The following NAALADL2 variants were observed in gnomAD, a reference collection of about 807,000 sequenced individuals.
NAALADL2 encodes the protein inactive N-acetylated-alpha-linked acidic dipeptidase-like protein 2.
NAALADL2 carries 76 observed loss-of-function variants against 87.2 expected under a neutral mutation model. The observed-to-expected ratio is 0.87, with a 90% CI of 0.72 to 1.05. The LOEUF is 1.05. NAALADL2 is among the 50% of genes least tolerant of loss of function. NAALADL2 has a pLI of 0.00. For synonymous variants in NAALADL2, 354 were observed against 331.0 expected (o/e 1.07, Z -0.75); for missense variants, 1,089 against 945.8 (o/e 1.15, Z -1.99).
intron 2 of NAALADL2, among the ~76,000 whole-genome samples, chr3:175,224,447 G>A (rs1284678412): frequency 6.6e-6 from 1 of 152,162 alleles, no homozygotes; most frequent in Non-Finnish European, 1.5e-5. Flanking sequence ...GGGTTAGAAT[G>A]TGTTAATATG....
At chr3:174,977,699 G>A (rs973677885) in intron 1 of NAALADL2, among the ~76,000 whole-genome samples, 2 of 152,084 alleles carry the variant, frequency 1.3e-5, no homozygotes, top group African/African-American at 4.8e-5. Context: ...ATCTAAGGAA[G>A]GTAGTTGAAA....
At chr3:175,132,649 G>A (rs1560070333) in intron 2 of NAALADL2, among the ~76,000 whole-genome samples, 4 of 126,748 alleles carry the variant, frequency 3.2e-5, no homozygotes, top group Non-Finnish European at 4.9e-5. Flanking sequence ...GTGGCTGGCC[G>A]GGCGGGGGGC....
At chr3:175,780,211 G>A (rs1245154040) in intron 13 of NAALADL2, among the ~76,000 whole-genome samples, 1 of 151,576 alleles carries the variant, frequency 6.6e-6, no homozygotes, top group Non-Finnish European at 1.5e-5. Flanking sequence ...AGGAGGCGGA[G>A]CTTGCAGTGA....
intron 2 of NAALADL2, among the ~76,000 whole-genome samples, chr3:174,675,855 C>T (rs1232035290): frequency 6.6e-6 from 1 of 151,996 alleles, no homozygotes; most frequent in African/African-American, 2.4e-5. Context: ...ATATTTAGCA[C>T]AGTAAATTCC....
chr3:174,863,805 C>T (rs1266033523), intron 1 of NAALADL2: 1 of 277,610 alleles, frequency 3.6e-6, no homozygotes, highest in African/African-American at 2.3e-5. Flanking sequence ...GTGACTCTTC[C>T]TTCCCAGCCT....
At chr3:174,653,761 T>C (rs1215651161) in intron 2 of NAALADL2, among the ~76,000 whole-genome samples, 1 of 152,182 alleles carries the variant, frequency 6.6e-6, no homozygotes, top group Non-Finnish European at 1.5e-5. Flanking sequence ...GAAGGCCTTA[T>C]AATGTCATTA....
At chr3:175,271,352 A>C (rs73184710) in intron 4 of NAALADL2, among the ~76,000 whole-genome samples, 1 of 152,346 alleles carries the variant, frequency 6.6e-6, no homozygotes, top group Non-Finnish European at 1.5e-5. Context: ...GATTAGGAAA[A>C]CGTGAATTAT....
rs796125736 is a variant in NAALADL2 at position 175,615,936 on chromosome 3, T to A, written c.1801-11355T>A. 2.7e-5 allele frequency among the ~76,000 whole-genome samples: 4 copies of A among 147,058 alleles called. 1 individual carries two copies. In the South Asian group the frequency reaches 8.3e-4, roughly 31 times the overall value. ...ATATTTATATTATTACATATGATTA[T>A]GTATGTTATATAGTATATATTATAT... On this transcript the variant is annotated intron_variant, in intron 10 of 13. Coordinates refer to ENST00000454872, the MANE Select transcript of NAALADL2 (RefSeq NM_207015.3).
intron 10 of NAALADL2, among the ~76,000 whole-genome samples, chr3:175,593,314 A>G (rs1721793322): frequency 6.6e-6 from 1 of 152,174 alleles, no homozygotes; most frequent in Non-Finnish European, 1.5e-5. Context: ...CTAAGCAGGT[A>G]ATGCCTTGAA....
intron 1 of NAALADL2, among the ~76,000 whole-genome samples, chr3:175,024,789 T>C (rs1255041392): frequency 1.3e-5 from 2 of 151,964 alleles, no homozygotes; most frequent in African/African-American, 4.8e-5. Flanking sequence ...TAGCAGAGGG[T>C]AGCAGCTCTC....
chr3:174,443,872 C>G (rs1714850374), intron 1 of NAALADL2, among the ~76,000 whole-genome samples: 1 of 147,796 alleles, frequency 6.8e-6, no homozygotes, highest in South Asian at 2.1e-4. Flanking sequence ...GAGAATTAAT[C>G]TAGCAAAGGA....
intron 9 of NAALADL2, among the ~76,000 whole-genome samples, chr3:175,543,468 G>A (rs1712745041): frequency 6.6e-6 from 1 of 152,082 alleles, no homozygotes; most frequent in Admixed American, 6.6e-5. Context: ...ACCCAAGACT[G>A]GATAATTTAT....
At chr3:175,354,200 C>T (rs964043916) in intron 5 of NAALADL2, among the ~76,000 whole-genome samples, 5 of 152,122 alleles carry the variant, frequency 3.3e-5, no homozygotes, top group Non-Finnish European at 7.4e-5. Flanking sequence ...TTATCGATGA[C>T]ACCTTGATCA....
intron 9 of NAALADL2, among the ~76,000 whole-genome samples, chr3:175,568,916 G>A (rs1411667914): frequency 6.6e-6 from 1 of 152,158 alleles, no homozygotes; most frequent in Non-Finnish European, 1.5e-5. Flanking sequence ...GGCAATAACT[G>A]AAATATGATA....
At chr3:175,574,818 G>T (rs947408054) in intron 9 of NAALADL2, among the ~76,000 whole-genome samples, 1 of 152,078 alleles carries the variant, frequency 6.6e-6, no homozygotes, top group Non-Finnish European at 1.5e-5. Context: ...AGCATGAGAG[G>T]TTGAAAAGTT....
At chr3:174,845,043 G>T (rs1724460885) in intron 3 of NAALADL2, among the ~76,000 whole-genome samples, 1 of 151,862 alleles carries the variant, frequency 6.6e-6, no homozygotes, top group Admixed American at 6.6e-5. Flanking sequence ...TGGAAACAAA[G>T]ATAAATTCTA....
At chr3:175,462,645 C>T (rs1035317433) in intron 6 of NAALADL2, among the ~76,000 whole-genome samples, 15 of 152,154 alleles carry the variant, frequency 9.9e-5, no homozygotes, top group Non-Finnish European at 5.9e-5. Flanking sequence ...GAACCACTTC[C>T]CAACCCAGAC....
chr3:174,842,781 T>G (rs1415802743), intron 3 of NAALADL2, among the ~76,000 whole-genome samples: 2 of 151,372 alleles, frequency 1.3e-5, no homozygotes, highest in African/African-American at 4.8e-5. Flanking sequence ...ACACCTGTTT[T>G]TGTGTGTGTG....
At chr3:175,758,791 A>AT (rs1016053360) in intron 13 of NAALADL2, among the ~76,000 whole-genome samples, 12 of 151,434 alleles carry the variant, frequency 7.9e-5, no homozygotes, top group East Asian at 1.9e-4. Flanking sequence ...ACAGGGTTCA[A>AT]TTTTTTTTTA....
Sources: allele counts gnomAD v4.1 joint callset (sites outside exome capture counted in the v4.1 genomes callset), GRCh38; gene constraint gnomAD v4.1.1; transcripts MANE v1.5; gene names NCBI Gene and HGNC (gene_info 2026-07-23, HGNC 2026-07-21).